Variants in INTS12 observed in about 807,000 individuals in gnomAD.
INTS12 encodes integrator complex subunit 12.
A neutral mutation model predicts 41.6 loss-of-function variants in INTS12; 13 were observed. That is an observed-to-expected ratio of 0.31 (90% CI 0.20 to 0.50). The LOEUF (loss-of-function observed/expected upper bound fraction) is 0.50, where lower values mean the gene tolerates loss of function less well. INTS12 is among the 20% of genes least tolerant of loss of function. INTS12 has a pLI of 0.98. For synonymous variants in INTS12, 199 were observed against 191.4 expected, an observed-to-expected ratio of 1.04 and a Z score of -0.33; for missense variants, 432 against 541.6, an observed-to-expected ratio of 0.80 and a Z score of 2.01.
Position 105,683,015 on chromosome 4 carries a change from A to C in INTS12, c.1107T>G (p.Gly369=). 2 of 1,614,144 alleles carry C rather than the reference A, an allele frequency of 1.2e-6. No homozygotes were observed. Among genetic ancestry groups the C allele is most frequent in the Non-Finnish European group, 1.7e-6 (2 of 1,179,966 alleles). The change falls in exon 8 of 8, where the codon GGT becomes GGG. Residue 369 remains glycine (G), a synonymous_variant. Coordinates refer to ENST00000340139, the MANE Select transcript of INTS12 (RefSeq NM_020395.4). ...PLKPPPPLTL[G]KTGLSRSVSC... is the part of the protein sequence containing the mutation. ...TAACTGAGCGACTAAGGCCAGTTTT[A>C]CCCAAGGTTAGAGGTGGAGGTGGTT...
chr4:105,686,965 T>C lies in INTS12; in HGVS notation c.658-127A>G. 6.6e-6 allele frequency: 5 copies of C among 757,472 alleles called. 1 individual carries two copies. The highest frequency in any genetic ancestry group is 6.4e-5 in the South Asian group (4 of 62,412). 46.9% of individuals were successfully genotyped at this position (757,472 alleles called of 1,614,324 possible). On this transcript the variant is annotated intron_variant, in intron 6 of 7. Coordinates refer to ENST00000340139, the MANE Select transcript of INTS12 (RefSeq NM_020395.4). Reference sequence around the variant, plus strand: ...AACATTTTAAAAAATAGTGTGATGATAATGAATATATATGCTCTTTGACAA... The same window carrying C: ...AACATTTTAAAAAATAGTGTGATGACAATGAATATATATGCTCTTTGACAA...
chr4:105,695,437 T>C (rs1174846840), intron 4 of INTS12, 79 bp downstream of exon 4: 47 of 1,037,214 alleles, frequency 4.5e-5, no homozygotes, highest in African/African-American at 4.8e-5. Context: ...ATAAAAGAAA[T>C]AGGCATAAAA....
intron 7 of INTS12, among the ~76,000 whole-genome samples, chr4:105,684,881 C>A (rs1451050513): frequency 6.6e-6 from 1 of 152,006 alleles, no homozygotes; most frequent in Non-Finnish European, 1.5e-5. Context: ...AATTAAAAGA[C>A]CAACACTTAG....
At chr4:105,701,223 C>T (rs1203794768) in intron 2 of INTS12, among the ~76,000 whole-genome samples, 1 of 143,456 alleles carries the variant, frequency 7.0e-6, no homozygotes, top group Non-Finnish European at 1.5e-5. Flanking sequence ...CACACATACA[C>T]ATCCCTAGGC....
intron 1 of INTS12, among the ~76,000 whole-genome samples, chr4:105,704,773 T>C (rs1485604833): frequency 5.3e-5 from 8 of 152,188 alleles, no homozygotes. Flanking sequence ...CCCAAGCCAG[T>C]AACCCAGAAG....
chr4:105,705,364 C>G (rs1042208232), intron 1 of INTS12: 1 of 152,526 alleles, frequency 6.6e-6, no homozygotes, highest in African/African-American at 2.4e-5. Flanking sequence ...AAAGCAAGCT[C>G]AAGGTTCCCA....
intron 5 of INTS12, among the ~76,000 whole-genome samples, chr4:105,692,580 T>C (rs2149182389): frequency 7.1e-6 from 1 of 140,558 alleles, no homozygotes; most frequent in Non-Finnish European, 1.6e-5. Flanking sequence ...AAAGAGCAAA[T>C]AACAAACCCC....
intron 6 of INTS12, among the ~76,000 whole-genome samples, chr4:105,690,642 C>T (rs1381135741): frequency 6.6e-6 from 1 of 151,502 alleles, no homozygotes; most frequent in Admixed American, 6.6e-5. Context: ...AGAAGCTCAC[C>T]CAGGAAGAGG....
chr4:105,695,508 A>G lies in INTS12; in HGVS notation c.309+8T>C. ...CTTTCTTTTAACAAGATTAAAATAA[A>G]ATCTTACTTTATCAGCAGGTCTCTT... On this transcript the variant is annotated splice_region_variant and intron_variant, in intron 4 of 7. Transcript: ENST00000340139. 1.3e-5 allele frequency: 20 copies of G among 1,585,216 alleles called. No homozygotes were observed. The highest frequency in any genetic ancestry group is 1.7e-5 in the Non-Finnish European group (20 of 1,169,462).
chr4:105,701,832 A>G (rs1187874635), intron 2 of INTS12, among the ~76,000 whole-genome samples: 1 of 152,208 alleles, frequency 6.6e-6, no homozygotes, highest in East Asian at 1.9e-4. Context: ...TGAAATTTCT[A>G]TGCTGAAAAA....
chr4:105,694,035 T>A (rs1159404553), intron 4 of INTS12, among the ~76,000 whole-genome samples: 1 of 152,218 alleles, frequency 6.6e-6, no homozygotes, highest in Admixed American at 6.5e-5. Flanking sequence ...TATTCACTTA[T>A]AGGTATACAT....
At chr4:105,697,966 C>A (rs868060078) in intron 3 of INTS12, among the ~76,000 whole-genome samples, 1 of 152,140 alleles carries the variant, frequency 6.6e-6, no homozygotes, top group South Asian at 2.1e-4. Context: ...GGGAGGATTG[C>A]TTGAACCTGG....
chr4:105,693,420 G>A lies in INTS12; in HGVS notation c.376C>T (p.Gln126Ter). The A allele has an allele frequency of 6.2e-7, 1 of 1,613,808 alleles. No individual in the cohort carries two copies. Among genetic ancestry groups the A allele is most frequent in the South Asian group, 1.1e-5 (1 of 91,032 alleles). Residue 126 changes from glutamine to a stop codon, truncating the protein, a stop_gained, in exon 5 of 8, where the codon CAG becomes TAG. Transcript: ENST00000340139. LOFTEE classifies it high-confidence loss of function. ...CTTTGGACAGTAATGGGAGATGACT[G>A]TGTTTCTGGTTTCTCCAATCTAGGT... ...KKPRLEKPETQSSPITVQSSK... is the reference protein window; with the variant it reads ...KKPRLEKPET
intron 2 of INTS12, among the ~76,000 whole-genome samples, chr4:105,701,233 CTTT>C (rs57389075): frequency 2.0e-3 from 270 of 132,770 alleles, no homozygotes; most frequent in African/African-American, 5.4e-3. Context: ...CATCCCTAGG[CTTT>C]TTTTTTTTTT....
chr4:105,682,972 T>C lies in INTS12; in HGVS notation c.1150A>G (p.Lys384Glu). ...CTACTTGGACTAGGAAGACCTACTT[T>C]GCTGACATTGTCACAACTAACTGAG... ...SRSVSCDNVS[K>E]VGLPSPSSLV... The change falls in exon 8 of 8, where the codon AAA (lysine) becomes GAA (glutamate). Residue 384 changes from lysine to glutamate, a missense_variant. Physicochemically the swap from Lys to Glu is moderately conservative, Grantham distance 56. Around this residue, in one of 3 missense-constraint regions of INTS12, gnomAD observed 258 missense variants for 309.9 expected, o/e 0.83. Transcript: ENST00000340139. 6.2e-7 allele frequency: 1 copy of C among 1,614,164 alleles called. No homozygotes were observed. The highest frequency in any genetic ancestry group is 8.5e-7 in the Non-Finnish European group (1 of 1,179,968).
At position 105,694,550 on chromosome 4, in the gene INTS12, C is replaced by T. The variant is rs141049529; in HGVS notation, c.309+966G>A. Among the ~76,000 whole-genome samples the T allele has an allele frequency of 5.9e-4, 90 of 152,166 alleles. 1 individual carries two copies. Among genetic ancestry groups the T allele is most frequent in the Non-Finnish European group, 1.1e-3 (73 of 68,004 alleles). ...CATGTTGGCCAGGGTGGCCAACTCCCGACCTGCTGACCTCAAGTGATCCTC... is the reference window on the plus strand; with the variant it reads ...CATGTTGGCCAGGGTGGCCAACTCCTGACCTGCTGACCTCAAGTGATCCTC... On this transcript the variant is annotated intron_variant, in intron 4 of 7. Transcript: ENST00000340139.
intron 1 of INTS12, chr4:105,707,875 A>C (rs1732352568): frequency 1.3e-6 from 1 of 753,390 alleles, no homozygotes. Flanking sequence ...ATTCATATAT[A>C]AATATAAGTA....
Position 105,683,092 on chromosome 4 carries a change from T to A in INTS12, c.1030A>T (p.Ile344Leu). Residue 344 changes from isoleucine to leucine, a missense_variant, in exon 8 of 8, where the codon ATA becomes TTA. Around this residue, in one of 3 missense-constraint regions of INTS12, gnomAD observed 258 missense variants for 309.9 expected, o/e 0.83. Coordinates refer to ENST00000340139, the MANE Select transcript of INTS12 (RefSeq NM_020395.4). ...TGLATSSKGG[I>L]GSKIGSNNST... ...TTATTGGAACCTATTTTGGAACCTA[T>A]TCCACCTTTGGATGATGTTGCCAGA... 1 of 1,614,120 alleles carries A rather than the reference T, an allele frequency of 6.2e-7. No individual in the cohort carries two copies. Among genetic ancestry groups the A allele is most frequent in the African/African-American group, 1.3e-5 (1 of 75,052 alleles).
In INTS12 at chr4:105,683,092, T is replaced by C; in HGVS notation, c.1030A>G (p.Ile344Val). 1 of 1,614,120 alleles carries C rather than the reference T, an allele frequency of 6.2e-7. No homozygotes were observed. The highest frequency in any genetic ancestry group is 8.5e-7 in the Non-Finnish European group (1 of 1,179,952). The change falls in exon 8 of 8, where the codon ATA becomes GTA. Residue 344 changes from isoleucine (I) to valine (V), a missense_variant. Ile to Val is a conservative substitution (Grantham distance 29). Around this residue, in one of 3 missense-constraint regions of INTS12, gnomAD observed 258 missense variants for 309.9 expected, o/e 0.83. Transcript: ENST00000340139. ...TGLATSSKGG[I>V]GSKIGSNNST... ...TTATTGGAACCTATTTTGGAACCTA[T>C]TCCACCTTTGGATGATGTTGCCAGA...
Sources: allele counts gnomAD v4.1 joint callset (sites outside exome capture counted in the v4.1 genomes callset), GRCh38; gene constraint gnomAD v4.1.1; regional missense constraint gnomAD v4.1.1; transcripts MANE v1.5; gene names NCBI Gene and HGNC (gene_info 2026-07-23, HGNC 2026-07-21).